WDFY3: variants seen among roughly 807,000 people sequenced by gnomAD.
WDFY3 encodes the protein WD repeat and FYVE domain-containing protein 3.
WDFY3 carries 66 observed loss-of-function variants against 409.6 expected under a neutral mutation model. The observed-to-expected ratio is 0.16, with a 90% CI of 0.13 to 0.20. WDFY3 has a LOEUF of 0.20. WDFY3 is among the 10% of genes least tolerant of loss of function. WDFY3 has a pLI of 1.00. For synonymous variants in WDFY3, 1,521 were observed against 1,537.1 expected (o/e 0.99, Z 0.25); for missense variants, 3,031 against 4,298.1 (o/e 0.71, Z 8.24).
intron 13 of WDFY3, among the ~76,000 whole-genome samples, chr4:84,814,149 T>C (rs1258493450): frequency 1.3e-5 from 2 of 152,210 alleles, no homozygotes; most frequent in Admixed American, 6.5e-5. Context: ...ATAAGGATTA[T>C]TTTCAGTTGA....
chr4:84,947,847 C>G (rs1773097462), intron 1 of WDFY3, among the ~76,000 whole-genome samples: 1 of 151,844 alleles, frequency 6.6e-6, no homozygotes, highest in African/African-American at 2.4e-5. Context: ...AATCATGCCA[C>G]TGTACTCCAG....
In WDFY3 at chr4:84,803,451, C is replaced by T. The variant is rs142271357; in HGVS notation, c.2446G>A (p.Val816Ile). The T allele has an allele frequency of 1.3e-5, 21 of 1,612,538 alleles. No individual in the cohort carries two copies. The highest frequency in any genetic ancestry group is 1.8e-5 in the Non-Finnish European group (21 of 1,179,452). ...GGAGGGTAAACAGGGGGAGTTGAAA[C>T]AGAATGATATGCATGCCTATAAAAA... ...LSRKRHAYHS[V>I]STPPVYPPKN... The change falls in exon 16 of 68, where the codon GTT becomes ATT. Residue 816 changes from valine to isoleucine, a missense_variant. Transcript: ENST00000295888.
At chr4:84,783,414 G>A (rs527467161) in intron 24 of WDFY3, among the ~76,000 whole-genome samples, 27 of 152,318 alleles carry the variant, frequency 1.8e-4, no homozygotes, top group African/African-American at 6.3e-4. Context: ...AGGAGGTCGA[G>A]AATGCAGTCA....
intron 1 of WDFY3, among the ~76,000 whole-genome samples, chr4:84,932,973 T>C (rs1416931905): frequency 6.6e-6 from 1 of 152,172 alleles, no homozygotes; most frequent in Non-Finnish European, 1.5e-5. Flanking sequence ...ATATGAATCA[T>C]GAGATCTAGT....
chr4:84,948,200 C>T (rs1170676496), intron 1 of WDFY3, among the ~76,000 whole-genome samples: 1 of 152,142 alleles, frequency 6.6e-6, no homozygotes, highest in African/African-American at 2.4e-5. Flanking sequence ...GGTAATTTTG[C>T]CTTCCAAAGT....
intron 19 of WDFY3, among the ~76,000 whole-genome samples, chr4:84,795,604 A>G (rs547225654): frequency 1.3e-5 from 2 of 152,162 alleles, no homozygotes; most frequent in Non-Finnish European, 2.9e-5. Flanking sequence ...TCCACTAAAA[A>G]TACAAAAATC....
At chr4:84,841,411 G>C in intron 5 of WDFY3, 148 bp from the exon 6 acceptor site, 1 of 644,204 alleles carries the variant, frequency 1.6e-6, no homozygotes. Context: ...AAATAGCAAT[G>C]TTTTAATGGT....
At chr4:84,961,610 G>T (rs902248779) in intron 1 of WDFY3, among the ~76,000 whole-genome samples, 2 of 152,046 alleles carry the variant, frequency 1.3e-5, no homozygotes, top group Non-Finnish European at 2.9e-5. Flanking sequence ...GCCTTTAAAG[G>T]CTGCAGCCTT....
At chr4:84,918,367 T>C (rs1768789754) in intron 2 of WDFY3, among the ~76,000 whole-genome samples, 1 of 152,148 alleles carries the variant, frequency 6.6e-6, no homozygotes, top group South Asian at 2.1e-4. Context: ...ACGACCTCTA[T>C]GAACTGATAT....
At chr4:84,708,159 T>G (rs1271061965) in intron 53 of WDFY3, among the ~76,000 whole-genome samples, 1 of 152,262 alleles carries the variant, frequency 6.6e-6, no homozygotes, top group Non-Finnish European at 1.5e-5. Context: ...TATGCATCTA[T>G]GTGTTCTTGA....
At chr4:84,901,751 T>C (rs183362935) in intron 2 of WDFY3, among the ~76,000 whole-genome samples, 5 of 152,252 alleles carry the variant, frequency 3.3e-5, no homozygotes, top group Admixed American at 3.3e-4. Context: ...GAAGATGAGA[T>C]CCGAAAGTGT....
intron 11 of WDFY3, among the ~76,000 whole-genome samples, chr4:84,820,650 G>A (rs1560843471): frequency 6.6e-6 from 1 of 151,950 alleles, no homozygotes; most frequent in African/African-American, 2.4e-5. Context: ...ATAATACATT[G>A]TGTATATAAC....
At chr4:84,826,414 A>G (rs1041831747) in intron 10 of WDFY3, among the ~76,000 whole-genome samples, 1 of 152,172 alleles carries the variant, frequency 6.6e-6, no homozygotes, top group African/African-American at 2.4e-5. Context: ...GGGGTCCTGG[A>G]ACCAATCCCC....
chr4:84,880,674 C>CACACACAT (rs1218696740), intron 3 of WDFY3, among the ~76,000 whole-genome samples: 15 of 50,354 alleles, frequency 3.0e-4, no homozygotes, highest in Non-Finnish European at 5.0e-4. Flanking sequence ...GGGAACCATA[C>CACACACAT]ATATATATAT....
intron 3 of WDFY3, among the ~76,000 whole-genome samples, chr4:84,876,434 T>C (rs1762795448): frequency 6.6e-6 from 1 of 152,208 alleles, no homozygotes; most frequent in East Asian, 1.9e-4. Flanking sequence ...AAAAGAATAA[T>C]TATCAGAACC....
intron 1 of WDFY3, among the ~76,000 whole-genome samples, chr4:84,950,928 C>G (rs887130785): frequency 1.3e-5 from 2 of 152,188 alleles, no homozygotes; most frequent in African/African-American, 4.8e-5. Flanking sequence ...TGCAGAATGT[C>G]AATTACTAGG....
intron 44 of WDFY3, among the ~76,000 whole-genome samples, chr4:84,729,239 TA>T (rs1292559430): frequency 6.6e-6 from 1 of 151,906 alleles, no homozygotes; most frequent in Non-Finnish European, 1.5e-5. Context: ...AATTTTTTTT[TA>T]AATGGCAAAA....
At chr4:84,769,750 T>C (rs1007730378) in intron 30 of WDFY3, among the ~76,000 whole-genome samples, 5 of 152,052 alleles carry the variant, frequency 3.3e-5, no homozygotes, top group Non-Finnish European at 7.4e-5. Flanking sequence ...AATTGACATA[T>C]AATTGTATGC....
chr4:84,932,934 A>C (rs1004303851), intron 1 of WDFY3, among the ~76,000 whole-genome samples: 2 of 152,166 alleles, frequency 1.3e-5, no homozygotes, highest in Non-Finnish European at 2.9e-5. Flanking sequence ...TTCATTTACC[A>C]GTCAATATTT....
Sources: gnomAD v4.1 joint callset for allele counts (sites outside exome capture counted in the v4.1 genomes callset) on GRCh38, gnomAD v4.1.1 for gene constraint, MANE v1.5 for transcripts, NCBI Gene and HGNC (gene_info 2026-07-23, HGNC 2026-07-21) for gene names.